The following SP140L variants were observed in gnomAD, a reference collection of about 807,000 sequenced individuals.
SP140L encodes SP140 like nuclear body protein.
In SP140L, 64 loss-of-function variants were observed where a neutral mutation model predicts 84.3. The ratio of observed to expected loss-of-function variants is 0.76; its 90% CI spans 0.62 to 0.94. The LOEUF (loss-of-function observed/expected upper bound fraction) is 0.94, where lower values mean the gene tolerates loss of function less well. Ranked by LOEUF, SP140L falls within the 40% of genes least tolerant of loss-of-function variation. The pLI, the probability that SP140L is intolerant of heterozygous loss-of-function variation, is 0.00. For missense variants in SP140L, 628 were observed against 692.5 expected (o/e 0.91, Z 1.05); for synonymous variants, 242 against 236.9 (o/e 1.02, Z -0.20).
chr2:230,384,413 T>C (rs968626295), intron 8 of SP140L, among the ~76,000 whole-genome samples: 1 of 152,200 alleles, frequency 6.6e-6, no homozygotes, highest in Non-Finnish European at 1.5e-5. Flanking sequence ...TCCTAGTCAA[T>C]GAAGGCTGTC....
intron 2 of SP140L, 78 bp downstream of exon 2, chr2:230,328,909 G>T: frequency 6.7e-7 from 1 of 1,495,472 alleles, no homozygotes; most frequent in Non-Finnish European, 8.9e-7. Context: ...CATGTTTCTT[G>T]GCCACTGAAA....
chr2:230,400,906 G>A, intron 15 of SP140L, 49 bp from the exon 16 acceptor site: 2 of 1,257,364 alleles, frequency 1.6e-6, no homozygotes, highest in Non-Finnish European at 2.2e-6. Context: ...AGGAACGGTG[G>A]CCATTTCCAA....
intron 7 of SP140L, among the ~76,000 whole-genome samples, chr2:230,377,318 GT>G (rs1418108151): frequency 1.3e-5 from 2 of 151,940 alleles, no homozygotes; most frequent in Non-Finnish European, 2.9e-5. Context: ...AACCCAGGTT[GT>G]TTTTTTTAAA....
At chr2:230,338,836 A>G (rs749388479) in intron 2 of SP140L, among the ~76,000 whole-genome samples, 1,590 of 126,212 alleles carry the variant, frequency 0.013, 15 homozygotes, top group African/African-American at 0.021. Context: ...TTGCATCCCA[A>G]GGATGAAGCC....
chr2:230,379,970 T>C (rs1467396152), intron 7 of SP140L, among the ~76,000 whole-genome samples: 1 of 152,212 alleles, frequency 6.6e-6, no homozygotes, highest in Non-Finnish European at 1.5e-5. Context: ...GATTCACAAA[T>C]AACATTGTAT....
chr2:230,351,379 A>G (rs554601095), intron 2 of SP140L, among the ~76,000 whole-genome samples: 16 of 152,026 alleles, frequency 1.1e-4, no homozygotes, highest in African/African-American at 3.1e-4. Context: ...GGACATTTTA[A>G]TTTTCTTTTA....
rs148061396 is a variant in SP140L at position 230,351,613 on chromosome 2, A to T, written c.108-6192A>T. 6.5e-4 allele frequency among the ~76,000 whole-genome samples: 99 copies of T among 152,118 alleles called. 2 individuals carry two copies. The highest frequency in any genetic ancestry group is 2.0e-3 in the African/African-American group (82 of 41,486). ...TCTCATCTCAAATTGTTCTTTATTG[A>T]CTCATATATTCTGTCATTTCAATAT... is the stretch of plus-strand genomic sequence containing the variant. On this transcript the variant is annotated intron_variant, in intron 2 of 18. Coordinates refer to ENST00000415673, the MANE Select transcript of SP140L (RefSeq NM_138402.6).
At chr2:230,347,753 C>G (rs140757226) in intron 2 of SP140L, among the ~76,000 whole-genome samples, 1 of 152,196 alleles carries the variant, frequency 6.6e-6, no homozygotes, top group African/African-American at 2.4e-5. Flanking sequence ...AGACAGAAAG[C>G]TAAACCCTGT....
chr2:230,377,479 ACT>A (rs920302283), intron 7 of SP140L, among the ~76,000 whole-genome samples: 4 of 152,126 alleles, frequency 2.6e-5, no homozygotes, highest in African/African-American at 9.7e-5. Flanking sequence ...GTTCATAGTT[ACT>A]CTGTTTTTCA....
chr2:230,399,483 A>G (rs964635280), intron 14 of SP140L, among the ~76,000 whole-genome samples: 1 of 152,148 alleles, frequency 6.6e-6, no homozygotes, highest in South Asian at 2.1e-4. Flanking sequence ...TGCACCTTAC[A>G]ATCCAAATTA....
intron 5 of SP140L, among the ~76,000 whole-genome samples, chr2:230,366,933 A>G (rs1049750856): frequency 6.6e-6 from 1 of 151,904 alleles, no homozygotes; most frequent in Non-Finnish European, 1.5e-5. Flanking sequence ...GGGTTTCACC[A>G]TGTTACCCAG....
In SP140L at chr2:230,332,748, T is replaced by G. The variant is rs571493623; in HGVS notation, c.107+3917T>G. Among the ~76,000 whole-genome samples the G allele has an allele frequency of 3.9e-4, 59 of 152,310 alleles. 1 individual carries two copies. Among genetic ancestry groups the G allele is most frequent in the African/African-American group, 1.3e-3 (54 of 41,568 alleles). On this transcript the variant is annotated intron_variant, in intron 2 of 18. Transcript: ENST00000415673. ...GCACCCTGCAGAATTCTAAAATTCT[T>G]CTCAGGACAGTGAGGCACATTGTGT...
At chr2:230,359,347 C>T (rs1330596086) in intron 4 of SP140L, among the ~76,000 whole-genome samples, 2 of 152,188 alleles carry the variant, frequency 1.3e-5, no homozygotes, top group East Asian at 3.8e-4. Flanking sequence ...CTTAGACTCA[C>T]AGGACAACCA....
At chr2:230,378,600 G>C (rs1365131583) in intron 7 of SP140L, among the ~76,000 whole-genome samples, 2 of 152,168 alleles carry the variant, frequency 1.3e-5, no homozygotes, top group Admixed American at 6.5e-5. Context: ...TGCAGTCTTG[G>C]AGGTATTCTT....
chr2:230,388,587 CT>C lies in SP140L; in HGVS notation c.816del (p.Phe272LeufsTer34). 1 of 1,609,618 alleles carries C rather than the reference CT, an allele frequency of 6.2e-7. No homozygotes were observed. The highest frequency in any genetic ancestry group is 1.1e-5 in the South Asian group (1 of 90,148). On this transcript the variant is annotated frameshift_variant, in exon 10 of 19. Transcript: ENST00000415673. LOFTEE classifies it high-confidence loss of function. ...GAAAGAGAGGCAAACCTGGAACCCACTTTACTCAGAGTGACAGAGCTCCACA... is the reference window on the plus strand; with the variant it reads ...GAAAGAGAGGCAAACCTGGAACCCACTTACTCAGAGTGACAGAGCTCCACA... ...GRKRGKPGTH[F>X]TQSDRAPQKR...
chr2:230,373,977 C>T (rs901639392), intron 7 of SP140L, among the ~76,000 whole-genome samples: 2 of 152,134 alleles, frequency 1.3e-5, no homozygotes, highest in Non-Finnish European at 2.9e-5. Flanking sequence ...TTTAAGACTT[C>T]AGTGGAGGAA....
intron 7 of SP140L, among the ~76,000 whole-genome samples, chr2:230,375,110 A>G (rs576305907): frequency 6.6e-6 from 1 of 152,354 alleles, no homozygotes; most frequent in South Asian, 2.1e-4. Flanking sequence ...ACTTGCTTGT[A>G]GAATATTTGA....
intron 12 of SP140L, among the ~76,000 whole-genome samples, chr2:230,392,698 G>A (rs6737808): frequency 0.7 from 106,142 of 152,024 alleles, 37,793 homozygotes; most frequent in Non-Finnish European, 0.75. Context: ...CTTTAATGCC[G>A]GGCTAAGTAA....
chr2:230,383,926 T>C (rs73112318), intron 8 of SP140L, among the ~76,000 whole-genome samples: 1,774 of 152,198 alleles, frequency 0.012, 42 homozygotes, highest in African/African-American at 0.04. Context: ...AACTGTAAAA[T>C]ATATATATAC....
Sources: allele counts gnomAD v4.1 joint callset (sites outside exome capture counted in the v4.1 genomes callset), GRCh38; gene constraint gnomAD v4.1.1; transcripts MANE v1.5; gene names NCBI Gene and HGNC (gene_info 2026-07-23, HGNC 2026-07-21).